The following KDM8 variants were observed in gnomAD, a reference collection of about 807,000 sequenced individuals.
The protein encoded by KDM8 is lysine demethylase 8.
A neutral mutation model predicts 46.9 loss-of-function variants in KDM8; 35 were observed. The observed-to-expected ratio is 0.75, with a 90% CI of 0.57 to 0.99. The LOEUF is 0.99. Ranked by LOEUF, KDM8 falls within the 50% of genes least tolerant of loss-of-function variation. KDM8 has a pLI of 0.00. For missense variants in KDM8, 475 were observed against 537.0 expected, an observed-to-expected ratio of 0.88 and a Z score of 1.14; for synonymous variants, 232 against 227.7, an observed-to-expected ratio of 1.02 and a Z score of -0.17.
chr16:27,210,198 C>T lies in KDM8; in HGVS notation c.75C>T (p.Leu25=), dbSNP rs1174497957. Residue 25 remains leucine, a synonymous_variant, in exon 2 of 8, where the codon CTC becomes CTT. Coordinates refer to ENST00000286096, the MANE Select transcript of KDM8 (RefSeq NM_024773.3). ...EGTLWEALRA[L]LPHSKEDLKL... is the part of the protein sequence containing the mutation. ...CTTTATGGGAGGCCCTCAGGGCGCT[C>T]CTGCCGCACAGTAAAGAAGACCTGA... 15 of 1,613,308 alleles carry T rather than the reference C, an allele frequency of 9.3e-6. No individual in the cohort carries two copies. The highest frequency in any genetic ancestry group is 1.3e-5 in the Non-Finnish European group (15 of 1,180,046).
intron 4 of KDM8, 101 bp from the exon 5 acceptor site, chr16:27,215,844 G>T: frequency 8.3e-7 from 1 of 1,208,548 alleles, no homozygotes; most frequent in Non-Finnish European, 1.2e-6. Context: ...GAAGGGTGAC[G>T]GGTGCTGCAG....
chr16:27,206,272 C>CTT (rs112161125), intron 1 of KDM8: 1,184 of 759,076 alleles, frequency 1.6e-3, no homozygotes, highest in Non-Finnish European at 1.7e-3. Context: ...TGTGCGTGTG[C>CTT]TTTTTTTTTT....
At chr16:27,217,610 T>G (rs2140974594) in intron 5 of KDM8, among the ~76,000 whole-genome samples, 1 of 152,284 alleles carries the variant, frequency 6.6e-6, no homozygotes, top group African/African-American at 2.4e-5. Context: ...GACAGGTTCT[T>G]AAAGGTCTGA....
chr16:27,204,082 A>G (rs1483899938), intron 1 of KDM8: 3 of 1,547,608 alleles, frequency 1.9e-6, no homozygotes, highest in African/African-American at 1.4e-5. Context: ...TTCCGCCGTC[A>G]GGTCCCAAAT....
Position 27,210,265 on chromosome 16 carries a change from T to C in KDM8, c.142T>C (p.Leu48=). 1.2e-6 allele frequency: 2 copies of C among 1,613,180 alleles called. No homozygotes were observed. Among genetic ancestry groups the C allele is most frequent in the African/African-American group, 1.3e-5 (1 of 75,036 alleles). Residue 48 remains leucine (L), a synonymous_variant, in exon 2 of 8, where the codon TTG becomes CTG. Transcript: ENST00000286096. ...GAAAGTGGAGAGGAGCGTGGTGACA[T>C]TGTTGCAGCGAGCCACTGAGCTCTT... ...GEKVERSVVT[L]LQRATELFYE...
chr16:27,216,065 CTGGA>C, intron 5 of KDM8, 76 bp downstream of exon 5: 2 of 1,514,570 alleles, frequency 1.3e-6, no homozygotes, highest in Non-Finnish European at 1.8e-6. Context: ...CTCAGTGCGG[CTGGA>C]GCAGTGAGCG....
intron 1 of KDM8, among the ~76,000 whole-genome samples, chr16:27,209,471 A>G (rs1047426361): frequency 1.3e-5 from 2 of 152,152 alleles, no homozygotes; most frequent in African/African-American, 4.8e-5. Context: ...AAGTGATCCA[A>G]TTGCCTCGGC....
rs1193693604 is a variant in KDM8, at chr16:27,210,457, G to A, written c.334G>A (p.Asp112Asn). The A allele has an allele frequency of 6.3e-7, 1 of 1,596,820 alleles. No individual in the cohort carries two copies. Among genetic ancestry groups the A allele is most frequent in the Non-Finnish European group, 8.6e-7 (1 of 1,167,912 alleles). ...CCTGTGTCTGTGCCAGGCACCTGAG[G>A]ATGCCAACACTGTGGCCGCAGCCCT... ...KALCLCQAPE[D>N]ANTVAAALRV... The change falls in exon 2 of 8, where the codon GAT becomes AAT. Residue 112 changes from aspartate (D) to asparagine (N), a missense_variant. By Grantham distance (23) the Asp-to-Asn change is conservative (BLOSUM62 1). Coordinates refer to ENST00000286096, the MANE Select transcript of KDM8 (RefSeq NM_024773.3).
At chr16:27,210,010 G>T in intron 1 of KDM8, 83 bp from the exon 2 acceptor site, 2 of 1,402,350 alleles carry the variant, frequency 1.4e-6, no homozygotes, top group Non-Finnish European at 1.9e-6. Flanking sequence ...AATCCTCGCA[G>T]ATGAGATGCA....
intron 1 of KDM8, chr16:27,206,179 C>T (rs2083426597): frequency 1.0e-6 from 1 of 977,108 alleles, no homozygotes; most frequent in Admixed American, 6.2e-5. Context: ...CATCTTTTTT[C>T]TTCTTGCAGG....
chr16:27,215,355 G>A (rs778889199), intron 4 of KDM8, among the ~76,000 whole-genome samples: 6 of 152,072 alleles, frequency 3.9e-5, no homozygotes, highest in African/African-American at 9.7e-5. Flanking sequence ...TGAGGCAGGC[G>A]GATCACTTGA....
Position 27,214,933 on chromosome 16 carries a change from G to C in KDM8, c.723G>C (p.Ser241=). Reference sequence around the variant, plus strand: ...GAACTGTCCCAGTGGAAGTTGGTTCGAGGTACACAGATGAGGAATGGTCCC... The same window carrying C: ...GAACTGTCCCAGTGGAAGTTGGTTCCAGGTACACAGATGAGGAATGGTCCC... The part of the protein sequence containing the change: ...GCRTVPVEVG[S]RYTDEEWSQT... The change falls in exon 4 of 8, where the codon TCG becomes TCC. Residue 241 remains serine (S), a synonymous_variant. Transcript: ENST00000286096. The C allele has an allele frequency of 6.2e-7, 1 of 1,614,176 alleles. No individual in the cohort carries two copies. The highest frequency in any genetic ancestry group is 1.7e-5 in the Admixed American group (1 of 60,024).
At chr16:27,215,815 GAC>G (rs1293304840) in intron 4 of KDM8, 128 bp from the exon 5 acceptor site, 1 of 925,012 alleles carries the variant, frequency 1.1e-6, no homozygotes, top group Non-Finnish European at 1.8e-6. Context: ...GGTTGGAGAG[GAC>G]CACTCAGGAT....
intron 1 of KDM8, among the ~76,000 whole-genome samples, chr16:27,205,964 C>T (rs1292960658): frequency 6.6e-6 from 1 of 152,234 alleles, no homozygotes; most frequent in Non-Finnish European, 1.5e-5. Context: ...TGATATGGCC[C>T]ACATTTGGGT....
intron 1 of KDM8, among the ~76,000 whole-genome samples, chr16:27,209,468 C>T (rs1469422462): frequency 6.6e-6 from 1 of 152,244 alleles, no homozygotes; most frequent in Non-Finnish European, 1.5e-5. Flanking sequence ...CTCAAGTGAT[C>T]CAATTGCCTC....
At chr16:27,216,023 C>A (rs984410683) in intron 5 of KDM8, 34 bp downstream of exon 5, 1 of 1,611,460 alleles carries the variant, frequency 6.2e-7, no homozygotes, top group East Asian at 2.2e-5. Flanking sequence ...TGCCCCTCAC[C>A]GTCTCACCTT....
chr16:27,203,927 G>C lies in KDM8; in HGVS notation c.-32+291G>C, dbSNP rs542972370. 116 of 541,706 alleles carry C rather than the reference G, an allele frequency of 2.1e-4. No homozygotes were observed. The Admixed American group carries it at 3.7e-3, about 17-fold the overall frequency. 33.6% of individuals were successfully genotyped at this position (541,706 alleles called of 1,614,324 possible). ...TGCGTGAGGGCAGGCCCTTACGGCG[G>C]GCTGCTGTGCGCTTTAGCGGTTCTT... On this transcript the variant is annotated intron_variant, in intron 1 of 7. Transcript: ENST00000286096.
Position 27,210,460 on chromosome 16 carries a change from G to A in KDM8, c.337G>A (p.Ala113Thr). 1 of 1,594,058 alleles carries A rather than the reference G, an allele frequency of 6.3e-7. No homozygotes were observed. Among genetic ancestry groups the A allele is most frequent in the Non-Finnish European group, 8.6e-7 (1 of 1,166,036 alleles). The change falls in exon 2 of 8, where the codon GCC becomes ACC. Residue 113 changes from alanine (A) to threonine (T), a missense_variant. Physicochemically the swap from Ala to Thr is moderately conservative, Grantham distance 58. Coordinates refer to ENST00000286096, the MANE Select transcript of KDM8 (RefSeq NM_024773.3). ...ALCLCQAPED[A>T]NTVAAALRVC... ...GTGTCTGTGCCAGGCACCTGAGGAT[G>A]CCAACACTGTGGCCGCAGCCCTGCG...
intron 1 of KDM8, chr16:27,204,051 C>T: frequency 5.2e-6 from 8 of 1,527,692 alleles, no homozygotes; most frequent in Non-Finnish European, 6.2e-6. Context: ...GCCCCTGGGC[C>T]GCAAGGCAGG....
Sources: allele counts gnomAD v4.1 joint callset (sites outside exome capture counted in the v4.1 genomes callset), GRCh38; gene constraint gnomAD v4.1.1; transcripts MANE v1.5; gene names NCBI Gene and HGNC (gene_info 2026-07-23, HGNC 2026-07-21).